ATP9B: variants seen among roughly 807,000 people sequenced by gnomAD.
The protein encoded by ATP9B is ATPase phospholipid transporting 9B.
A neutral mutation model predicts 146.1 loss-of-function variants in ATP9B; 110 were observed. That is an observed-to-expected ratio of 0.75 (90% CI 0.65 to 0.88). The LOEUF (loss-of-function observed/expected upper bound fraction) is 0.88. Ranked by LOEUF, ATP9B falls within the 40% of genes least tolerant of loss-of-function variation. The pLI, the probability that ATP9B is intolerant of heterozygous loss-of-function variation, is 0.00. For missense variants in ATP9B, 1,499 were observed against 1,496.4 expected, an observed-to-expected ratio of 1.00 and a Z score of -0.03; for synonymous variants, 604 against 569.7, an observed-to-expected ratio of 1.06 and a Z score of -0.86.
chr18:79,168,721 A>AT (rs2095023797), intron 7 of ATP9B, among the ~76,000 whole-genome samples: 1 of 152,164 alleles, frequency 6.6e-6, no homozygotes, highest in Non-Finnish European at 1.5e-5. Flanking sequence ...AACTCCATAC[A>AT]TTTTTTGAAG....
rs570864372 is a variant in ATP9B at position 79,240,280 on chromosome 18, T to C, written c.1108-13101T>C. Among the ~76,000 whole-genome samples the C allele has an allele frequency of 4.1e-4, 63 of 152,368 alleles. 1 individual carries two copies. In the Middle Eastern group the frequency reaches 0.024, roughly 58 times the overall value. On this transcript the variant is annotated intron_variant, in intron 11 of 29. Transcript: ENST00000426216. ...ATTGATACCAGTTGAGCAGGAAGTTTTATCACATCCAAATGAAAATGGTAG... is the reference window on the plus strand; with the variant it reads ...ATTGATACCAGTTGAGCAGGAAGTTCTATCACATCCAAATGAAAATGGTAG...
At chr18:79,330,126 G>A (rs761273604) in intron 17 of ATP9B, 22 bp downstream of exon 17, 1 of 1,601,024 alleles carries the variant, frequency 6.2e-7, no homozygotes, top group Non-Finnish European at 8.6e-7. Flanking sequence ...ACTCTAGCGT[G>A]GTTCACAGTG....
intron 6 of ATP9B, among the ~76,000 whole-genome samples, chr18:79,151,887 A>AG (rs2094696052): frequency 6.6e-6 from 1 of 152,222 alleles, no homozygotes; most frequent in Non-Finnish European, 1.5e-5. Context: ...CAGAGTGAGC[A>AG]GGCAACCTAC....
At chr18:79,079,806 C>A (rs1393070909) in intron 1 of ATP9B, among the ~76,000 whole-genome samples, 1 of 152,122 alleles carries the variant, frequency 6.6e-6, no homozygotes, top group Non-Finnish European at 1.5e-5. Flanking sequence ...TTTAAGCCAC[C>A]TTGAGTTAAT....
intron 1 of ATP9B, among the ~76,000 whole-genome samples, chr18:79,072,747 C>T (rs1285124370): frequency 6.6e-6 from 1 of 151,360 alleles, no homozygotes; most frequent in African/African-American, 2.4e-5. Flanking sequence ...GGGGCGCCCC[C>T]CACCTCCCAG....
intron 4 of ATP9B, among the ~76,000 whole-genome samples, chr18:79,114,430 G>A (rs1318862955): frequency 1.3e-5 from 2 of 152,154 alleles, no homozygotes; most frequent in Non-Finnish European, 2.9e-5. Context: ...CTCCCGAGGG[G>A]TCTGTCCTGG....
chr18:79,221,464 G>T (rs2095676413), intron 11 of ATP9B, among the ~76,000 whole-genome samples: 1 of 152,230 alleles, frequency 6.6e-6, no homozygotes, highest in South Asian at 2.1e-4. Flanking sequence ...GCTCGTGCCT[G>T]TAATCCCAGC....
At chr18:79,161,672 C>T (rs1055048858) in intron 7 of ATP9B, among the ~76,000 whole-genome samples, 9 of 152,098 alleles carry the variant, frequency 5.9e-5, no homozygotes, top group East Asian at 3.8e-4. Flanking sequence ...CATGGTGAAA[C>T]GCCATCTCTA....
At chr18:79,299,399 TC>T (rs756758144) in intron 13 of ATP9B, among the ~76,000 whole-genome samples, 17 of 152,186 alleles carry the variant, frequency 1.1e-4, no homozygotes, top group Non-Finnish European at 2.5e-4. Flanking sequence ...AGTTCCCTCT[TC>T]CTGGAGCGCT....
intron 6 of ATP9B, among the ~76,000 whole-genome samples, chr18:79,154,153 A>G (rs1201222622): frequency 1.3e-5 from 2 of 150,758 alleles, no homozygotes; most frequent in South Asian, 2.1e-4. Context: ...AGTAGAGACA[A>G]GGTTTCACCA....
intron 6 of ATP9B, 119 bp downstream of exon 6, chr18:79,143,979 C>G: frequency 1.8e-6 from 1 of 568,302 alleles, no homozygotes. Flanking sequence ...TCATAATATC[C>G]TTGTGTAAGA....
Position 79,369,242 on chromosome 18 carries a change from C to CA in ATP9B, c.3013-3575dup, listed in dbSNP as rs572916085. Among the ~76,000 whole-genome samples the CA allele has an allele frequency of 5.6e-5, 8 of 143,904 alleles. No homozygotes were observed. In the South Asian group the frequency reaches 6.8e-4, roughly 12 times the overall value. 94.4% of individuals were successfully genotyped at this position (143,904 alleles called of 152,430 possible). A position where few individuals can be genotyped will look rare whatever the true frequency, so the allele number is the denominator to read the frequency against. On this transcript the variant is annotated intron_variant, in intron 26 of 29. Coordinates refer to ENST00000426216, the MANE Select transcript of ATP9B (RefSeq NM_198531.5). ...TAAAACCCCGTCTCTACTAAAAATACAAAAAAAATGAGCCGGGCGTGGTGG... is the reference window on the plus strand; with the variant it reads ...TAAAACCCCGTCTCTACTAAAAATACAAAAAAAAATGAGCCGGGCGTGGTGG...
At chr18:79,255,983 A>C (rs1315941091) in intron 12 of ATP9B, among the ~76,000 whole-genome samples, 9 of 152,280 alleles carry the variant, frequency 5.9e-5, no homozygotes, top group Middle Eastern at 6.8e-3. Context: ...CCAGAGCCTC[A>C]TAGCATGTTG....
chr18:79,246,863 C>T (rs182572052), intron 11 of ATP9B, among the ~76,000 whole-genome samples: 1 of 152,352 alleles, frequency 6.6e-6, no homozygotes. Context: ...GCCTCCTCCT[C>T]CTCCTGATTT....
chr18:79,321,235 A>C (rs1159909789), intron 15 of ATP9B, among the ~76,000 whole-genome samples: 1 of 152,238 alleles, frequency 6.6e-6, no homozygotes, highest in African/African-American at 2.4e-5. Context: ...TGTCCGTGGG[A>C]ACCAGCCGTT....
chr18:79,125,903 T>C (rs2094277934), intron 4 of ATP9B, among the ~76,000 whole-genome samples: 1 of 152,190 alleles, frequency 6.6e-6, no homozygotes, highest in Non-Finnish European at 1.5e-5. Flanking sequence ...AAGTGTAAGA[T>C]TTTTATGTCA....
intron 7 of ATP9B, among the ~76,000 whole-genome samples, chr18:79,176,583 A>T (rs2095173876): frequency 6.6e-6 from 1 of 152,254 alleles, no homozygotes; most frequent in South Asian, 2.1e-4. Context: ...ATAGGAAATA[A>T]GTGATTTAAA....
At chr18:79,374,137 C>T (rs375513946) in intron 28 of ATP9B, 36 bp downstream of exon 28, 181 of 1,593,874 alleles carry the variant, frequency 1.1e-4, no homozygotes, top group Middle Eastern at 1.7e-4. Context: ...GAATCGTTCT[C>T]TATTCATGAT....
chr18:79,103,934 G>T (rs2075474087), intron 2 of ATP9B, among the ~76,000 whole-genome samples: 1 of 152,016 alleles, frequency 6.6e-6, no homozygotes, highest in Admixed American at 6.6e-5. Context: ...TTTCTTCTGT[G>T]GTCCATATGG....
Sources: gnomAD v4.1 joint callset for allele counts (sites outside exome capture counted in the v4.1 genomes callset) on GRCh38, gnomAD v4.1.1 for gene constraint, MANE v1.5 for transcripts, NCBI Gene and HGNC (gene_info 2026-07-23, HGNC 2026-07-21) for gene names.